Variants in FBXO11 observed in about 807,000 individuals in gnomAD.
FBXO11 encodes F-box only protein 11.
Under a neutral mutation model 117.0 loss-of-function variants are expected in FBXO11, and 13 were observed. The ratio of observed to expected loss-of-function variants is 0.11; its 90% CI spans 0.07 to 0.18. The LOEUF (loss-of-function observed/expected upper bound fraction) is 0.18. FBXO11 is among the 10% of genes least tolerant of loss of function. FBXO11 has a pLI of 1.00. For missense variants in FBXO11, 767 were observed against 1,164.4 expected (o/e 0.66, Z 4.97); for synonymous variants, 490 against 380.5 (o/e 1.29, Z -3.35).
At position 47,839,633 on chromosome 2, in the gene FBXO11, T is replaced by TA; in HGVS notation, c.360+8dup. On this transcript the variant is annotated intron_variant, in intron 2 of 22. Coordinates refer to ENST00000403359, the MANE Select transcript of FBXO11 (RefSeq NM_001190274.2). Reference sequence around the variant, plus strand: ...TTACAAAAAGAAAAGCAACTACAGTTAAAGTTACCTCCATACTGTTCTTTG... The same window carrying TA: ...TTACAAAAAGAAAAGCAACTACAGTTAAAAGTTACCTCCATACTGTTCTTTG... 2 of 1,608,874 alleles carry TA rather than the reference T, an allele frequency of 1.2e-6. No homozygotes were observed.
chr2:47,821,937 G>A (rs541719500), intron 13 of FBXO11, among the ~76,000 whole-genome samples: 1 of 152,240 alleles, frequency 6.6e-6, no homozygotes, highest in East Asian at 1.9e-4. Flanking sequence ...ACAAATAAAT[G>A]AGTGGGGCAC....
chr2:47,880,071 C>T (rs1365207911), intron 1 of FBXO11, among the ~76,000 whole-genome samples: 1 of 151,684 alleles, frequency 6.6e-6, no homozygotes, highest in Non-Finnish European at 1.5e-5. Flanking sequence ...TCTCGGTTTA[C>T]TGCAGCCTCC....
intron 11 of FBXO11, among the ~76,000 whole-genome samples, chr2:47,831,537 A>C (rs890398184): frequency 6.6e-6 from 1 of 151,968 alleles, no homozygotes; most frequent in Non-Finnish European, 1.5e-5. Context: ...ACAAAACCTC[A>C]CCATAATCCT....
chr2:47,839,757 G>C lies in FBXO11; in HGVS notation c.245C>G (p.Pro82Arg). The C allele has an allele frequency of 6.2e-7, 1 of 1,612,964 alleles. No individual in the cohort carries two copies. The highest frequency in any genetic ancestry group is 2.2e-5 in the East Asian group (1 of 44,862). The change falls in exon 2 of 23, where the codon CCT (proline) becomes CGT (arginine). Residue 82 changes from proline (P) to arginine (R), a missense_variant. Pro to Arg is a moderately radical substitution (Grantham distance 103). Coordinates refer to ENST00000403359, the MANE Select transcript of FBXO11 (RefSeq NM_001190274.2). Reference sequence around the variant, plus strand: ...TGATTCTTCTGCAACCATATCTGCAGGCACATCATCATCTGTTATAAACAA... The same window carrying C: ...TGATTCTTCTGCAACCATATCTGCACGCACATCATCATCTGTTATAAACAA... ...NNVGERDDDV[P>R]ADMVAEESGP...
intron 1 of FBXO11, among the ~76,000 whole-genome samples, chr2:47,840,215 T>C (rs938606817): frequency 6.6e-6 from 1 of 151,832 alleles, no homozygotes; most frequent in Non-Finnish European, 1.5e-5. Context: ...AGTGCTGGGA[T>C]TACAGGCGTG....
chr2:47,822,337 T>C (rs1332878526), intron 12 of FBXO11, 34 bp from the exon 13 acceptor site: 1 of 1,379,688 alleles, frequency 7.2e-7, no homozygotes, highest in African/African-American at 1.5e-5. Context: ...AAAGAAGACA[T>C]CTATTCAGCC....
At chr2:47,828,469 G>T (rs943260014) in intron 11 of FBXO11, among the ~76,000 whole-genome samples, 1 of 152,098 alleles carries the variant, frequency 6.6e-6, no homozygotes, top group African/African-American at 2.4e-5. Flanking sequence ...TTAGCTGTGC[G>T]TGCTGGCAGG....
rs769520734 is a variant in FBXO11, at chr2:47,833,076, G to A, written c.935-6C>T. ...GTCTGCCACTTTCCCAGGTGCTGTG[G>A]AGAAGATATTTTAAAGAATATTACC... On this transcript the variant is annotated splice_region_variant and splice_polypyrimidine_tract_variant and intron_variant, in intron 7 of 22. Transcript: ENST00000403359. 2 of 1,586,036 alleles carry A rather than the reference G, an allele frequency of 1.3e-6. No individual in the cohort carries two copies. The highest frequency in any genetic ancestry group is 1.7e-6 in the Non-Finnish European group (2 of 1,155,658).
chr2:47,814,927 C>G (rs1404416568), intron 16 of FBXO11, among the ~76,000 whole-genome samples: 1 of 152,190 alleles, frequency 6.6e-6, no homozygotes. Context: ...GACCCCACCT[C>G]AAGAAAAACC....
At chr2:47,900,837 C>T (rs1384598698) in intron 1 of FBXO11, among the ~76,000 whole-genome samples, 3 of 121,670 alleles carry the variant, frequency 2.5e-5, no homozygotes, top group African/African-American at 6.2e-5. Context: ...TACACGTATA[C>T]ACACACGTGT....
At chr2:47,823,032 T>C (rs113351969) in intron 12 of FBXO11, 111 bp downstream of exon 12, 18 of 664,616 alleles carry the variant, frequency 2.7e-5, no homozygotes, top group Admixed American at 1.6e-4. Flanking sequence ...ATCTATTTTA[T>C]AGTAGTCAAA....
chr2:47,881,095 T>C (rs1436437892), intron 1 of FBXO11, among the ~76,000 whole-genome samples: 1 of 152,262 alleles, frequency 6.6e-6, no homozygotes, highest in South Asian at 2.1e-4. Flanking sequence ...CTACTAAAAA[T>C]ACAAAAATTA....
At chr2:47,839,333 G>C in intron 3 of FBXO11, 86 bp downstream of exon 3, 5 of 1,230,024 alleles carry the variant, frequency 4.1e-6, no homozygotes, top group Non-Finnish European at 5.8e-6. Context: ...GGTAATACTC[G>C]AATACACTTA....
In FBXO11 at chr2:47,839,000, G is replaced by A. The variant is rs759493145; in HGVS notation, c.446C>T (p.Ala149Val). 1.9e-6 allele frequency: 3 copies of A among 1,612,488 alleles called. No individual in the cohort carries two copies. Among genetic ancestry groups the A allele is most frequent in the Non-Finnish European group, 2.5e-6 (3 of 1,179,236 alleles). The change falls in exon 4 of 23, where the codon GCA (alanine) becomes GTA (valine). Residue 149 changes from alanine to valine, a missense_variant. Transcript: ENST00000403359. ...VSGKSQDLSA[A>V]PAEQYLQEKL... is the part of the protein sequence containing the mutation. ...CTCCTGAAGATACTGTTCAGCAGGT[G>A]CTGCTATAAAGAGATTAACATATAA... is the stretch of plus-strand genomic sequence containing the variant.
In FBXO11 at chr2:47,816,745, G is replaced by A. The variant is rs540680511; in HGVS notation, c.2006+2034C>T. On this transcript the variant is annotated intron_variant, in intron 16 of 22. Transcript: ENST00000403359. ...TTGGGTTACTGGGTGCATTGTCAAT[G>A]AGCAGTAATATTTTGAAATATTTTT... 7.9e-4 allele frequency among the ~76,000 whole-genome samples: 120 copies of A among 152,250 alleles called. 1 individual carries two copies. The highest frequency in any genetic ancestry group is 2.9e-3 in the African/African-American group (119 of 41,532).
At chr2:47,841,665 G>A (rs1471111487) in intron 1 of FBXO11, among the ~76,000 whole-genome samples, 1 of 152,086 alleles carries the variant, frequency 6.6e-6, no homozygotes, top group Non-Finnish European at 1.5e-5. Context: ...TATTTGAGAT[G>A]GAGTCTCGCT....
chr2:47,847,609 T>C (rs895206650), intron 1 of FBXO11, among the ~76,000 whole-genome samples: 1 of 151,940 alleles, frequency 6.6e-6, no homozygotes, highest in African/African-American at 2.4e-5. Context: ...CTCAGGAGGC[T>C]AAGGCAGGAG....
At chr2:47,839,580 CCT>C in intron 2 of FBXO11, 60 bp downstream of exon 2, 1 of 1,604,464 alleles carries the variant, frequency 6.2e-7, no homozygotes, top group Non-Finnish European at 8.5e-7. Context: ...GATGACATTC[CCT>C]TTTTTGTTTC....
Position 47,839,516 on chromosome 2 carries a change from A to C in FBXO11, c.361-16T>G. On this transcript the variant is annotated splice_polypyrimidine_tract_variant and intron_variant, in intron 2 of 22. Transcript: ENST00000403359. ...TTGAGGCGCCCTTCAAAAACAAAAC[A>C]GAAACTAGTAAAGCAAATATTCTTA... 2 of 1,612,364 alleles carry C rather than the reference A, an allele frequency of 1.2e-6. No individual in the cohort carries two copies. Among genetic ancestry groups the C allele is most frequent in the East Asian group, 4.5e-5 (2 of 44,872 alleles).
Sources: gnomAD v4.1 joint callset for allele counts (sites outside exome capture counted in the v4.1 genomes callset) on GRCh38, gnomAD v4.1.1 for gene constraint, MANE v1.5 for transcripts, NCBI Gene and HGNC (gene_info 2026-07-23, HGNC 2026-07-21) for gene names.